AMZ2: variants seen among roughly 807,000 people sequenced by gnomAD.
AMZ2 encodes the protein archaelysin family metallopeptidase 2.
Under a neutral mutation model 36.7 loss-of-function variants are expected in AMZ2, and 26 were observed. That is an observed-to-expected ratio of 0.71 (90% CI 0.52 to 0.98). The LOEUF (loss-of-function observed/expected upper bound fraction) is 0.98, where lower values mean the gene tolerates loss of function less well. Ranked by LOEUF, AMZ2 falls within the 50% of genes least tolerant of loss-of-function variation. AMZ2 has a pLI of 0.00. For missense variants in AMZ2, 394 were observed against 430.5 expected, an observed-to-expected ratio of 0.92 and a Z score of 0.75; for synonymous variants, 144 against 149.1, an observed-to-expected ratio of 0.97 and a Z score of 0.25.
intron 1 of AMZ2, among the ~76,000 whole-genome samples, chr17:68,238,228 T>A (rs1465596807): frequency 6.6e-6 from 1 of 152,104 alleles, no homozygotes; most frequent in Non-Finnish European, 1.5e-5. Context: ...TTTTTTTAAA[T>A]AGAAATCAGA....
At chr17:68,246,706 A>T (rs1555735637), upstream of AMZ2, 1 of 152,352 alleles carries the variant, frequency 6.6e-6, no homozygotes, top group Non-Finnish European at 1.5e-5. Context: ...AATTTGGAGA[A>T]TTCATGATCC....
intron 1 of AMZ2, among the ~76,000 whole-genome samples, chr17:68,237,418 A>G (rs2073813465): frequency 6.6e-6 from 1 of 152,140 alleles, no homozygotes; most frequent in African/African-American, 2.4e-5. Flanking sequence ...TTTACATTGC[A>G]CAAGAATATA....
At chr17:68,247,336 CAAAAAAAAAAAAAAA>C (rs71142158), upstream of AMZ2, 1 of 78,198 alleles carries the variant, frequency 1.3e-5, no homozygotes, top group Non-Finnish European at 2.4e-5. Context: ...ACTCCGTCTC[CAAAAAAAAAAAAAAA>C]AAAAAAAAAG....
intron 1 of AMZ2, among the ~76,000 whole-genome samples, chr17:68,240,283 T>C (rs1370781060): frequency 6.6e-6 from 1 of 152,200 alleles, no homozygotes; most frequent in African/African-American, 2.4e-5. Context: ...CTACAAATAC[T>C]ATCACATTGG....
intron 1 of AMZ2, among the ~76,000 whole-genome samples, chr17:68,233,997 A>G (rs1270062902): frequency 3.3e-5 from 5 of 152,196 alleles, no homozygotes; most frequent in African/African-American, 9.7e-5. Context: ...CTACTACAGC[A>G]AATCGTAGAT....
intron 1 of AMZ2, among the ~76,000 whole-genome samples, chr17:68,211,680 ATATG>A (rs201398888): frequency 0.15 from 19,003 of 122,814 alleles, 1,590 homozygotes; most frequent in East Asian, 0.25. Flanking sequence ...TTGGGAAAAC[ATATG>A]TATATGTATA....
At chr17:68,249,936 G>A (rs1295451391) in intron 1 of AMZ2, 4 of 465,400 alleles carry the variant, frequency 8.6e-6, no homozygotes, top group African/African-American at 2.0e-5. Context: ...ACCACACCTG[G>A]CCACCACTAG....
At chr17:68,246,347 G>T (rs1555735458), upstream of AMZ2, among the ~76,000 whole-genome samples, 2 of 152,060 alleles carry the variant, frequency 1.3e-5, no homozygotes, top group African/African-American at 4.8e-5. Context: ...CAGTCTGGAT[G>T]ACAGAGCGAG....
At chr17:68,233,797 C>T (rs757331906) in intron 1 of AMZ2, among the ~76,000 whole-genome samples, 2 of 151,868 alleles carry the variant, frequency 1.3e-5, no homozygotes, top group Non-Finnish European at 2.9e-5. Flanking sequence ...TCTTGGCTTA[C>T]TGCAGCCTCA....
intron 1 of AMZ2, among the ~76,000 whole-genome samples, chr17:68,232,730 C>T (rs2073695155): frequency 1.3e-5 from 2 of 152,192 alleles, no homozygotes; most frequent in Admixed American, 1.3e-4. Context: ...GTAATCCCAG[C>T]TACTTGGGAG....
chr17:68,220,033 A>G (rs1463705777), intron 1 of AMZ2, among the ~76,000 whole-genome samples: 23 of 152,170 alleles, frequency 1.5e-4, no homozygotes, highest in Admixed American at 1.5e-3. Flanking sequence ...CCCTGCCAGT[A>G]TGGAGACTGG....
intron 1 of AMZ2, among the ~76,000 whole-genome samples, chr17:68,213,055 G>A (rs1192175390): frequency 6.6e-6 from 1 of 152,062 alleles, no homozygotes; most frequent in South Asian, 2.1e-4. Context: ...AAAAATCCTC[G>A]TTTTGAGTAA....
chr17:68,246,922 C>G (rs1355156741), upstream of AMZ2: 1 of 152,256 alleles, frequency 6.6e-6, no homozygotes, highest in Non-Finnish European at 1.5e-5. Flanking sequence ...AAATAACAGG[C>G]CGGGCGCCGT....
At chr17:68,246,407 CG>C (rs2074015803), upstream of AMZ2, among the ~76,000 whole-genome samples, 1 of 151,944 alleles carries the variant, frequency 6.6e-6, no homozygotes, top group African/African-American at 2.4e-5. Flanking sequence ...TAATTGTCTC[CG>C]TTTTACAAAA....
Position 68,254,403 on chromosome 17 carries a change from G to C in AMZ2, c.587-1G>C. ...TGTCACTGTTTGTCCTTTTTTTGTAGGTGTGGGGATATTCAGCTTTGCCAG... is the reference window on the plus strand; with the variant it reads ...TGTCACTGTTTGTCCTTTTTTTGTACGTGTGGGGATATTCAGCTTTGCCAG... On this transcript the variant is annotated splice_acceptor_variant, in intron 4 of 6. Transcript: ENST00000359904. LOFTEE classifies it high-confidence loss of function. 1 of 1,605,640 alleles carries C rather than the reference G, an allele frequency of 6.2e-7. No homozygotes were observed. The highest frequency in any genetic ancestry group is 8.5e-7 in the Non-Finnish European group (1 of 1,178,008).
chr17:68,228,315 C>T (rs562967335), intron 1 of AMZ2, among the ~76,000 whole-genome samples: 51 of 152,312 alleles, frequency 3.3e-4, no homozygotes, highest in African/African-American at 1.2e-3. Context: ...GGAAACTTCT[C>T]ATCTGACTCC....
At position 68,251,140 on chromosome 17, in the gene AMZ2, C is replaced by T. The variant is rs782083530; in HGVS notation, c.548C>T (p.Ser183Leu). ...ITMIDLYPRD[S>L]WNFVFGQASL... ...ATGATTGATCTTTACCCAAGAGACTCGTGGAATTTTGTCTTTGGACAGGCC... is the reference window on the plus strand; with the variant it reads ...ATGATTGATCTTTACCCAAGAGACTTGTGGAATTTTGTCTTTGGACAGGCC... The change falls in exon 4 of 7, where the codon TCG becomes TTG. Residue 183 changes from serine to leucine, a missense_variant. By Grantham distance (145) the Ser-to-Leu change is moderately radical. Transcript: ENST00000359904. 5.0e-6 allele frequency: 8 copies of T among 1,613,756 alleles called. No individual in the cohort carries two copies. The highest frequency in any genetic ancestry group is 1.7e-5 in the Admixed American group (1 of 59,958).
intron 1 of AMZ2, among the ~76,000 whole-genome samples, chr17:68,222,166 T>C (rs1222724015): frequency 6.6e-6 from 1 of 152,212 alleles, no homozygotes; most frequent in Non-Finnish European, 1.5e-5. Context: ...GTGGAGCAAC[T>C]GGATGGAGCC....
At position 68,250,563 on chromosome 17, in the gene AMZ2, G is replaced by A. The variant is rs1381819522; in HGVS notation, c.283+93G>A. The A allele has an allele frequency of 1.8e-5, 26 of 1,464,756 alleles. No homozygotes were observed. In the East Asian group the frequency reaches 2.1e-4, roughly 12 times the overall value. The allele number at this position is 1,464,756 out of a possible 1,614,324, so 90.7% of individuals were successfully genotyped here. A position where few individuals can be genotyped will look rare whatever the true frequency, so the allele number is the denominator to read the frequency against. On this transcript the variant is annotated intron_variant, in intron 2 of 6. Coordinates refer to ENST00000359904, the MANE Select transcript of AMZ2 (RefSeq NM_016627.5). ...GCTATGGGTCTGATTCAGATGGGCC[G>A]TTTTAGGATCGTTTTTGATATTCAT...
Sources: gnomAD v4.1 joint callset for allele counts (sites outside exome capture counted in the v4.1 genomes callset) on GRCh38, gnomAD v4.1.1 for gene constraint, MANE v1.5 for transcripts, NCBI Gene and HGNC (gene_info 2026-07-23, HGNC 2026-07-21) for gene names.